The following GPR158 variants were observed in gnomAD, a reference collection of about 807,000 sequenced individuals.
GPR158 encodes metabotropic glycine receptor.
A neutral mutation model predicts 78.2 loss-of-function variants in GPR158; 30 were observed. That is an observed-to-expected ratio of 0.38 (90% CI 0.29 to 0.52). The LOEUF (loss-of-function observed/expected upper bound fraction) is 0.52. GPR158 is among the 20% of genes least tolerant of loss of function. The pLI, the probability that GPR158 is intolerant of heterozygous loss-of-function variation, is 0.83. For synonymous variants in GPR158, 581 were observed against 591.1 expected (o/e 0.98, Z 0.25); for missense variants, 1,463 against 1,523.5 (o/e 0.96, Z 0.66).
At chr10:25,251,650 C>A (rs1049510108) in intron 2 of GPR158, among the ~76,000 whole-genome samples, 1 of 151,280 alleles carries the variant, frequency 6.6e-6, no homozygotes, top group East Asian at 1.9e-4. Flanking sequence ...CCCCCACTCT[C>A]TTCTGGCTTG....
rs140811694 is a variant in GPR158, at chr10:25,273,833, C to A, written c.1008+52676C>A. 4.4e-3 allele frequency among the ~76,000 whole-genome samples: 674 copies of A among 152,044 alleles called. 5 individuals are homozygous for A. The highest frequency in any genetic ancestry group is 0.014 in the African/African-American group (594 of 41,446). On this transcript the variant is annotated intron_variant, in intron 2 of 10. Transcript: ENST00000376351. The stretch of plus-strand genomic sequence containing the variant: ...TAGCTGGGACTATAGATGCGCGCCA[C>A]CACACCCGGCTAATTTTTTGTATTT...
chr10:25,398,510 G>A (rs1337780199), intron 3 of GPR158, among the ~76,000 whole-genome samples: 1 of 152,128 alleles, frequency 6.6e-6, no homozygotes, highest in African/African-American at 2.4e-5. Context: ...CTCCCACTAT[G>A]TGACTGAAAT....
intron 2 of GPR158, among the ~76,000 whole-genome samples, chr10:25,319,819 C>T (rs963479365): frequency 3.2e-5 from 3 of 93,812 alleles, no homozygotes; most frequent in Non-Finnish European, 6.9e-5. Context: ...TGCTGAACAC[C>T]CCACCCCCCC....
chr10:25,192,382 A>G (rs1206067769), intron 1 of GPR158, among the ~76,000 whole-genome samples: 1 of 152,206 alleles, frequency 6.6e-6, no homozygotes, highest in Non-Finnish European at 1.5e-5. Flanking sequence ...TCTTTGTAGC[A>G]GTGTGAGAAC....
intron 2 of GPR158, among the ~76,000 whole-genome samples, chr10:25,227,743 A>G (rs1198880484): frequency 1.3e-5 from 2 of 152,212 alleles, no homozygotes; most frequent in Non-Finnish European, 2.9e-5. Flanking sequence ...GAACCAGAGA[A>G]CTTAGAAATA....
At chr10:25,324,920 C>T (rs1278411405) in intron 2 of GPR158, among the ~76,000 whole-genome samples, 1 of 149,310 alleles carries the variant, frequency 6.7e-6, no homozygotes, top group South Asian at 2.1e-4. Flanking sequence ...CTCACTCCAG[C>T]CTTGTACTCC....
At chr10:25,509,808 G>A (rs1365628225) in intron 5 of GPR158, among the ~76,000 whole-genome samples, 1 of 152,116 alleles carries the variant, frequency 6.6e-6, no homozygotes, top group Non-Finnish European at 1.5e-5. Flanking sequence ...CCTCTACCTG[G>A]GTTCAAAAAA....
intron 2 of GPR158, among the ~76,000 whole-genome samples, chr10:25,374,143 A>G (rs115732615): frequency 0.029 from 4,339 of 151,784 alleles, 220 homozygotes; most frequent in African/African-American, 0.099. Context: ...TTACTCATAA[A>G]TGTGTCGTCG....
chr10:25,469,056 G>C (rs758280041), intron 5 of GPR158, among the ~76,000 whole-genome samples: 14 of 152,064 alleles, frequency 9.2e-5, no homozygotes, highest in Non-Finnish European at 1.9e-4. Context: ...ATTCTTTTTG[G>C]TTTTTGTCTT....
intron 4 of GPR158, among the ~76,000 whole-genome samples, chr10:25,444,080 A>G (rs1835105730): frequency 6.6e-6 from 1 of 150,598 alleles, no homozygotes; most frequent in East Asian, 1.9e-4. Flanking sequence ...AAGTTGTGAC[A>G]ATCAAAAATG....
At chr10:25,177,070 A>G (rs915841711) in intron 1 of GPR158, among the ~76,000 whole-genome samples, 11 of 152,050 alleles carry the variant, frequency 7.2e-5, no homozygotes, top group Non-Finnish European at 1.0e-4. Context: ...ACACACTCAC[A>G]TGATTTATAA....
intron 4 of GPR158, among the ~76,000 whole-genome samples, chr10:25,433,943 A>C (rs1305735824): frequency 6.6e-6 from 1 of 151,958 alleles, no homozygotes; most frequent in Non-Finnish European, 1.5e-5. Context: ...GTGGATCACG[A>C]GGTCAGGAGA....
chr10:25,572,849 T>G lies in GPR158; in HGVS notation c.1715T>G (p.Met572Arg). Residue 572 changes from methionine to arginine, a missense_variant, in exon 7 of 11, where the codon ATG (methionine) becomes AGG (arginine). Coordinates refer to ENST00000376351, the MANE Select transcript of GPR158 (RefSeq NM_020752.3). Reference protein sequence around the residue: ...GKTSDHLIFNMCLIDRWDYMT... With the variant: ...GKTSDHLIFNRCLIDRWDYMT... ...ACATCCGATCACCTCATCTTCAATA[T>G]GTGCCTCATTGACCGCTGGGACTAC... 1 of 1,611,788 alleles carries G rather than the reference T, an allele frequency of 6.2e-7. No individual in the cohort carries two copies. Among genetic ancestry groups the G allele is most frequent in the Non-Finnish European group, 8.5e-7 (1 of 1,177,824 alleles).
At chr10:25,216,173 T>C (rs1485565060) in intron 1 of GPR158, among the ~76,000 whole-genome samples, 1 of 152,232 alleles carries the variant, frequency 6.6e-6, no homozygotes, top group Non-Finnish European at 1.5e-5. Context: ...TTCCAGGCAC[T>C]GGATTCTGTT....
intron 2 of GPR158, among the ~76,000 whole-genome samples, chr10:25,309,225 G>A (rs1854727210): frequency 6.6e-6 from 1 of 151,998 alleles, no homozygotes; most frequent in Admixed American, 6.6e-5. Context: ...CTGTGTGTGT[G>A]TGTGTGTGTT....
chr10:25,396,339 GTTTAT>G (rs1435104266), intron 3 of GPR158, among the ~76,000 whole-genome samples: 2 of 152,130 alleles, frequency 1.3e-5, no homozygotes, highest in African/African-American at 2.4e-5. Context: ...AATTTTGTCA[GTTTAT>G]TTTATTTATC....
chr10:25,188,484 C>T (rs946140963), intron 1 of GPR158, among the ~76,000 whole-genome samples: 2 of 152,178 alleles, frequency 1.3e-5, no homozygotes, highest in Non-Finnish European at 2.9e-5. Flanking sequence ...TACCACACAT[C>T]TACAACCATC....
chr10:25,476,583 T>C (rs1450773350), intron 5 of GPR158, among the ~76,000 whole-genome samples: 1 of 152,250 alleles, frequency 6.6e-6, no homozygotes, highest in East Asian at 1.9e-4. Context: ...TTCTCCAGCC[T>C]CTTTATTTTG....
intron 1 of GPR158, 117 bp from the exon 2 acceptor site, chr10:25,220,935 G>T: frequency 1.6e-6 from 1 of 632,750 alleles, no homozygotes; most frequent in Non-Finnish European, 2.7e-6. Flanking sequence ...ATATGAGTAG[G>T]CAATTTGACA....
Sources: allele counts gnomAD v4.1 joint callset (sites outside exome capture counted in the v4.1 genomes callset), GRCh38; gene constraint gnomAD v4.1.1; transcripts MANE v1.5; gene names NCBI Gene and HGNC (gene_info 2026-07-23, HGNC 2026-07-21).